PSTPIP2: variants seen among roughly 807,000 people sequenced by gnomAD.
PSTPIP2 encodes the protein proline-serine-threonine phosphatase-interacting protein 2.
In PSTPIP2, 33 loss-of-function variants were observed where a neutral mutation model predicts 63.3. The observed-to-expected ratio is 0.52, with a 90% confidence interval of 0.40 to 0.70. The LOEUF (loss-of-function observed/expected upper bound fraction) is 0.70, where lower values mean the gene tolerates loss of function less well. Ranked by LOEUF, PSTPIP2 falls within the 30% of genes least tolerant of loss-of-function variation. The pLI, the probability that PSTPIP2 is intolerant of heterozygous loss-of-function variation, is 0.00. For missense variants in PSTPIP2, 312 were observed against 400.7 expected, an observed-to-expected ratio of 0.78 and a Z score of 1.89; for synonymous variants, 125 against 132.7, an observed-to-expected ratio of 0.94 and a Z score of 0.40.
intron 3 of PSTPIP2, among the ~76,000 whole-genome samples, chr18:46,024,107 C>A (rs938895480): frequency 6.6e-6 from 1 of 151,650 alleles, no homozygotes; most frequent in Non-Finnish European, 1.5e-5. Context: ...GCCTGTATTC[C>A]CAGTGACTTG....
intron 1 of PSTPIP2, among the ~76,000 whole-genome samples, chr18:46,068,837 G>A (rs1909289523): frequency 2.0e-5 from 3 of 152,150 alleles, no homozygotes. Flanking sequence ...CAAAGCCAGA[G>A]GCAACATCAG....
chr18:46,057,075 G>A (rs1788176076), intron 1 of PSTPIP2, among the ~76,000 whole-genome samples: 1 of 152,124 alleles, frequency 6.6e-6, no homozygotes, highest in Non-Finnish European at 1.5e-5. Context: ...TTGCACTCCA[G>A]CCTGGGCGAC....
chr18:46,028,416 A>G (rs527255776), intron 2 of PSTPIP2: 1 of 536,812 alleles, frequency 1.9e-6, no homozygotes, highest in Non-Finnish European at 3.7e-6. Flanking sequence ...AAGAGGAGAG[A>G]CGGCTCCGGC....
intron 6 of PSTPIP2, 49 bp from the exon 7 acceptor site, chr18:45,999,583 C>A: frequency 6.3e-7 from 1 of 1,595,596 alleles, no homozygotes. Context: ...CAGAGTGTAA[C>A]CATGAAATGC....
chr18:46,067,897 G>A (rs540038315), intron 1 of PSTPIP2, among the ~76,000 whole-genome samples: 2 of 152,210 alleles, frequency 1.3e-5, no homozygotes, highest in South Asian at 4.1e-4. Flanking sequence ...TAAAATCCGA[G>A]AGAGTATTTA....
chr18:46,032,406 G>A (rs1257591909), intron 2 of PSTPIP2, among the ~76,000 whole-genome samples: 1 of 151,996 alleles, frequency 6.6e-6, no homozygotes, highest in Non-Finnish European at 1.5e-5. Context: ...CTTTGACCTC[G>A]CTTCTATCCA....
intron 1 of PSTPIP2, among the ~76,000 whole-genome samples, chr18:46,064,555 C>T (rs1443421467): frequency 6.6e-6 from 1 of 150,848 alleles, no homozygotes. Flanking sequence ...CCGCCTGGGC[C>T]TCCCAAAGTG....
In PSTPIP2 at chr18:45,998,689, T is replaced by C. The variant is rs111322815; in HGVS notation, c.562+105A>G. 2,886 of 1,144,686 alleles carry C rather than the reference T, an allele frequency of 2.5e-3. 17 individuals carry two copies. Among genetic ancestry groups the C allele is most frequent in the Middle Eastern group, 7.8e-3 (38 of 4,868 alleles). 70.9% of individuals were successfully genotyped at this position (1,144,686 alleles called of 1,614,324 possible). Reference sequence around the variant, plus strand: ...TCACTAATCCTGCTGAATATCCATATATTCTCTCTTTAAGGTATATAAAAC... The same window carrying C: ...TCACTAATCCTGCTGAATATCCATACATTCTCTCTTTAAGGTATATAAAAC... On this transcript the variant is annotated intron_variant, in intron 8 of 14. Coordinates refer to ENST00000409746, the MANE Select transcript of PSTPIP2 (RefSeq NM_024430.4).
intron 14 of PSTPIP2, among the ~76,000 whole-genome samples, chr18:45,987,709 A>G (rs964535209): frequency 2.6e-5 from 4 of 152,222 alleles, no homozygotes; most frequent in Non-Finnish European, 5.9e-5. Flanking sequence ...CACTGGGGTA[A>G]AAGAATGATA....
intron 13 of PSTPIP2, among the ~76,000 whole-genome samples, chr18:45,990,246 AC>A (rs1327838479): frequency 6.6e-6 from 1 of 152,198 alleles, no homozygotes; most frequent in African/African-American, 2.4e-5. Flanking sequence ...TATAAAATAG[AC>A]CACCAATTAT....
At chr18:46,016,986 C>T (rs2051858853) in intron 3 of PSTPIP2, among the ~76,000 whole-genome samples, 1 of 152,070 alleles carries the variant, frequency 6.6e-6, no homozygotes, top group Non-Finnish European at 1.5e-5. Context: ...TCCATATGTG[C>T]CATATTCTTT....
intron 1 of PSTPIP2, among the ~76,000 whole-genome samples, chr18:46,054,272 C>A (rs1359682155): frequency 6.6e-6 from 1 of 152,056 alleles, no homozygotes; most frequent in Non-Finnish European, 1.5e-5. Flanking sequence ...ATTATGTGGC[C>A]CATGTCTACA....
At chr18:46,010,361 G>A (rs1599711783) in intron 5 of PSTPIP2, among the ~76,000 whole-genome samples, 2 of 152,218 alleles carry the variant, frequency 1.3e-5, no homozygotes, top group East Asian at 3.9e-4. Context: ...TGTGCCGGGA[G>A]ACCTGGTTAG....
Position 46,015,890 on chromosome 18 carries a change from A to C in PSTPIP2, c.247+13T>G. On this transcript the variant is annotated intron_variant, in intron 4 of 14. Transcript: ENST00000409746. The stretch of plus-strand genomic sequence containing the variant: ...GGGCAGTGAATACATTTTTTAAAAA[A>C]AAAATCACTTACGCTGCTTGAAGAC... 1.2e-6 allele frequency: 2 copies of C among 1,609,996 alleles called. No homozygotes were observed. Among genetic ancestry groups the C allele is most frequent in the Non-Finnish European group, 1.7e-6 (2 of 1,177,662 alleles).
intron 1 of PSTPIP2, among the ~76,000 whole-genome samples, chr18:46,060,396 A>T (rs1908947097): frequency 6.6e-6 from 1 of 152,174 alleles, no homozygotes; most frequent in Admixed American, 6.5e-5. Context: ...CACAACTATG[A>T]CGTACTTTAT....
intron 4 of PSTPIP2, among the ~76,000 whole-genome samples, chr18:46,011,608 C>G (rs779664872): frequency 4.6e-5 from 7 of 152,202 alleles, no homozygotes; most frequent in Non-Finnish European, 8.8e-5. Context: ...AAAGCCAGCA[C>G]AATTTCAAAT....
chr18:46,035,895 C>T (rs1340967319), intron 2 of PSTPIP2, among the ~76,000 whole-genome samples: 1 of 152,058 alleles, frequency 6.6e-6, no homozygotes, highest in East Asian at 1.9e-4. Context: ...AACATAAGTG[C>T]CAAAGGGATG....
chr18:46,033,893 G>C (rs1288591773), intron 2 of PSTPIP2, among the ~76,000 whole-genome samples: 2 of 152,136 alleles, frequency 1.3e-5, no homozygotes, highest in Non-Finnish European at 2.9e-5. Flanking sequence ...CCAACATCTT[G>C]ATTTGGGACT....
intron 5 of PSTPIP2, chr18:46,010,854 GAGCCGTCC>G (rs1285552464): frequency 4.6e-6 from 1 of 217,918 alleles, no homozygotes; most frequent in East Asian, 9.6e-5. Flanking sequence ...GTGGTTTTGG[GAGCCGTCC>G]AGCTGGGATG....
Sources: allele counts gnomAD v4.1 joint callset (sites outside exome capture counted in the v4.1 genomes callset), GRCh38; gene constraint gnomAD v4.1.1; transcripts MANE v1.5; gene names NCBI Gene and HGNC (gene_info 2026-07-23, HGNC 2026-07-21).